BCAS3: variants seen among roughly 807,000 people sequenced by gnomAD.
BCAS3 encodes the protein BCAS4/BCAS3 fusion.
Under a neutral mutation model 116.1 loss-of-function variants are expected in BCAS3, and 53 were observed. That is an observed-to-expected ratio of 0.46 (90% CI 0.37 to 0.57). The LOEUF (loss-of-function observed/expected upper bound fraction) is 0.57, where lower values mean the gene tolerates loss of function less well. BCAS3 is among the 20% of genes least tolerant of loss of function. The pLI, the probability that BCAS3 is intolerant of heterozygous loss-of-function variation, is 0.00. For synonymous variants in BCAS3, 391 were observed against 408.2 expected (o/e 0.96, Z 0.51); for missense variants, 917 against 1,165.4 (o/e 0.79, Z 3.10).
chr17:61,317,671 C>T (rs574066076), intron 22 of BCAS3, among the ~76,000 whole-genome samples: 11 of 152,234 alleles, frequency 7.2e-5, no homozygotes, highest in East Asian at 1.9e-4. Flanking sequence ...GAGACAAGAC[C>T]GATTTGGGTG....
intron 3 of BCAS3, among the ~76,000 whole-genome samples, chr17:60,686,075 A>G (rs957186950): frequency 4.0e-5 from 6 of 151,736 alleles, no homozygotes; most frequent in African/African-American, 1.5e-4. Context: ...TCACTGTGTT[A>G]GCTAGGATGG....
In BCAS3 at chr17:61,088,614, C is replaced by T. The variant is rs890355148; in HGVS notation, c.2425+4050C>T. Among the ~76,000 whole-genome samples the T allele has an allele frequency of 1.3e-5, 2 of 152,220 alleles. No individual in the cohort carries two copies. Among genetic ancestry groups the T allele is most frequent in the African/African-American group, 4.8e-5 (2 of 41,448 alleles). On this transcript the variant is annotated intron_variant, in intron 22 of 23. Coordinates refer to ENST00000407086, the MANE Select transcript of BCAS3 (RefSeq NM_017679.5). This position sits in a 1 kb window ranked among gnomAD's most constrained non-coding sequence, Gnocchi z 4.2. ...TTTGTTTTCCAGATTGCTGACTATTCTTGTTCCAAAACTTGAAGGCTATAC... is the reference window on the plus strand; with the variant it reads ...TTTGTTTTCCAGATTGCTGACTATTTTTGTTCCAAAACTTGAAGGCTATAC...
Position 61,029,996 on chromosome 17 carries a change from CTTTAG to C in BCAS3, c.1638-4667_1638-4663del, listed in dbSNP as rs906710888. Among the ~76,000 whole-genome samples the C allele has an allele frequency of 6.6e-6, 1 of 151,898 alleles. No individual in the cohort carries two copies. The highest frequency in any genetic ancestry group is 1.5e-5 in the Non-Finnish European group (1 of 67,932). On this transcript the variant is annotated intron_variant, in intron 16 of 23. Coordinates refer to ENST00000407086, the MANE Select transcript of BCAS3 (RefSeq NM_017679.5). This position sits in a 1 kb window ranked among gnomAD's most constrained non-coding sequence, Gnocchi z 5.2. Reference sequence around the variant, plus strand: ...ATAATTTCAGACAGATTATTAATATCTTTAGTTATTTGAAATAAAATGCTTCCAGT... The same window carrying C: ...ATAATTTCAGACAGATTATTAATATCTTATTTGAAATAAAATGCTTCCAGT...
chr17:61,355,970 G>A lies in BCAS3; in HGVS notation c.2426-12357G>A, dbSNP rs1032464029. Among the ~76,000 whole-genome samples the A allele has an allele frequency of 1.3e-5, 2 of 152,156 alleles. No homozygotes were observed. Among genetic ancestry groups the A allele is most frequent in the Non-Finnish European group, 2.9e-5 (2 of 68,030 alleles). On this transcript the variant is annotated intron_variant, in intron 22 of 23. Coordinates refer to ENST00000407086, the MANE Select transcript of BCAS3 (RefSeq NM_017679.5). This position sits in a 1 kb window ranked among gnomAD's most constrained non-coding sequence, Gnocchi z 4.2. ...TCTATCCACCTGAAGAAGCAGGCCA[G>A]AGCAGCCTACAGGAAACATTTTCTT...
intron 22 of BCAS3, among the ~76,000 whole-genome samples, chr17:61,330,235 C>A (rs1568867740): frequency 6.8e-6 from 1 of 147,674 alleles, no homozygotes; most frequent in South Asian, 2.3e-4. Flanking sequence ...CTTCTCTCCC[C>A]TCCCTCCCTC....
intron 22 of BCAS3, among the ~76,000 whole-genome samples, chr17:61,284,079 G>A (rs1568749312): frequency 6.6e-6 from 1 of 152,170 alleles, no homozygotes; most frequent in African/African-American, 2.4e-5. Flanking sequence ...GATTGTAAAT[G>A]CACCAATCAG....
Position 61,229,720 on chromosome 17 carries a change from G to C in BCAS3, c.2426-138607G>C, listed in dbSNP as rs890286954. Among the ~76,000 whole-genome samples the C allele has an allele frequency of 6.6e-6, 1 of 152,188 alleles. No homozygotes were observed. The highest frequency in any genetic ancestry group is 2.4e-5 in the African/African-American group (1 of 41,442). ...CTCCATTTACATAGCTCTAATAGTA[G>C]AGGAGAGATGCTTTATGCATCCCTC... On this transcript the variant is annotated intron_variant, in intron 22 of 23. Transcript: ENST00000407086. This position sits in a 1 kb window ranked among gnomAD's most constrained non-coding sequence, Gnocchi z 4.4.
intron 4 of BCAS3, among the ~76,000 whole-genome samples, chr17:60,703,737 A>T (rs2036730461): frequency 6.8e-6 from 1 of 148,146 alleles, no homozygotes; most frequent in South Asian, 2.1e-4. Flanking sequence ...ACATGGTGAA[A>T]CCCCGTTTCT....
In BCAS3 at chr17:61,023,748, C is replaced by T. The variant is rs2066031943; in HGVS notation, c.1637+7847C>T. Among the ~76,000 whole-genome samples, 1 of 151,920 alleles carries T rather than the reference C, an allele frequency of 6.6e-6. No individual in the cohort carries two copies. The highest frequency in any genetic ancestry group is 2.4e-5 in the African/African-American group (1 of 41,352). On this transcript the variant is annotated intron_variant, in intron 16 of 23. Transcript: ENST00000407086. The surrounding 1 kb of genome is among the most constrained non-coding windows in gnomAD (Gnocchi z 4.8). ...AAGAAACCCTTTGAGAACTAATGGC[C>T]AGGTCATTTCACGGTGGCCTATATA...
chr17:61,024,099 A>G (rs1180331203), intron 16 of BCAS3, among the ~76,000 whole-genome samples: 1 of 152,184 alleles, frequency 6.6e-6, no homozygotes, highest in Non-Finnish European at 1.5e-5. Context: ...GAGTGAAGTC[A>G]TAGGTGAAGA....
At position 60,964,997 on chromosome 17, in the gene BCAS3, T is replaced by C. The variant is rs578098773; in HGVS notation, c.1221+17645T>C. Among the ~76,000 whole-genome samples, 1 of 152,244 alleles carries C rather than the reference T, an allele frequency of 6.6e-6. No individual in the cohort carries two copies. Among genetic ancestry groups the C allele is most frequent in the African/African-American group, 2.4e-5 (1 of 41,572 alleles). ...ATTTTTGAAAACCAATGTTTTGTTC[T>C]ATTGATCTGTATTTCTTTTTAGCTT... On this transcript the variant is annotated intron_variant, in intron 14 of 23. Coordinates refer to ENST00000407086, the MANE Select transcript of BCAS3 (RefSeq NM_017679.5). The surrounding 1 kb of genome is among the most constrained non-coding windows in gnomAD (Gnocchi z 4.6).
chr17:60,928,933 T>C (rs2059498635), intron 13 of BCAS3, among the ~76,000 whole-genome samples: 1 of 152,242 alleles, frequency 6.6e-6, no homozygotes, highest in Non-Finnish European at 1.5e-5. Context: ...GGACATGTTT[T>C]AGTGAGGAAA....
In BCAS3 at chr17:60,994,195, T is replaced by C. The variant is rs1353632840; in HGVS notation, c.1486+3960T>C. On this transcript the variant is annotated intron_variant, in intron 15 of 23. Coordinates refer to ENST00000407086, the MANE Select transcript of BCAS3 (RefSeq NM_017679.5). This position sits in a 1 kb window ranked among gnomAD's most constrained non-coding sequence, Gnocchi z 4.4. Reference sequence around the variant, plus strand: ...TATGAAATATATATCTTGAAGTATCTTGCATTATTGAATATATTTTAAAAT... The same window carrying C: ...TATGAAATATATATCTTGAAGTATCCTGCATTATTGAATATATTTTAAAAT... Among the ~76,000 whole-genome samples, 1 of 152,066 alleles carries C rather than the reference T, an allele frequency of 6.6e-6. No individual in the cohort carries two copies. The highest frequency in any genetic ancestry group is 1.9e-4 in the East Asian group (1 of 5,202).
rs955214860 is a variant in BCAS3, at chr17:61,276,179, T to C, written c.2426-92148T>C. The stretch of plus-strand genomic sequence containing the variant: ...GGCTGACCAACATGGTGAAACCCCA[T>C]TTCTACTAAAGATACATTAAAAAAT... On this transcript the variant is annotated intron_variant, in intron 22 of 23. Coordinates refer to ENST00000407086, the MANE Select transcript of BCAS3 (RefSeq NM_017679.5). This position sits in a 1 kb window ranked among gnomAD's most constrained non-coding sequence, Gnocchi z 4.2. Among the ~76,000 whole-genome samples, 1 of 152,086 alleles carries C rather than the reference T, an allele frequency of 6.6e-6. No homozygotes were observed.
chr17:61,025,973 A>G (rs960652689), intron 16 of BCAS3, among the ~76,000 whole-genome samples: 1 of 151,280 alleles, frequency 6.6e-6, no homozygotes, highest in African/African-American at 2.5e-5. Flanking sequence ...AAATACCCAC[A>G]TTTTACCAAT....
chr17:60,739,537 T>C (rs1398047956), intron 5 of BCAS3, among the ~76,000 whole-genome samples: 1 of 152,058 alleles, frequency 6.6e-6, no homozygotes, highest in Non-Finnish European at 1.5e-5. Flanking sequence ...GGAGAATCGC[T>C]TGAATTCGGG....
At chr17:60,928,136 A>G (rs1164856567) in intron 13 of BCAS3, among the ~76,000 whole-genome samples, 1 of 152,146 alleles carries the variant, frequency 6.6e-6, no homozygotes, top group Non-Finnish European at 1.5e-5. Context: ...TTAATAAGAG[A>G]TAGTCCCTAT....
At chr17:60,980,370 C>T (rs1330138481) in intron 14 of BCAS3, among the ~76,000 whole-genome samples, 2 of 151,960 alleles carry the variant, frequency 1.3e-5, no homozygotes, top group Non-Finnish European at 2.9e-5. Context: ...ATTTGCATGT[C>T]CTTAATGACT....
intron 22 of BCAS3, among the ~76,000 whole-genome samples, chr17:61,293,454 G>GA (rs2052623087): frequency 6.6e-6 from 1 of 151,240 alleles, no homozygotes. Flanking sequence ...TTGAGATGGT[G>GA]AAAAAAAAAG....
Sources: allele counts gnomAD v4.1 joint callset (sites outside exome capture counted in the v4.1 genomes callset), GRCh38; gene constraint gnomAD v4.1.1; non-coding constraint Gnocchi (gnomAD v3.1); transcripts MANE v1.5; gene names NCBI Gene and HGNC (gene_info 2026-07-23, HGNC 2026-07-21).